Variants in LYST observed in about 807,000 individuals in gnomAD.
LYST encodes the protein lysosomal trafficking regulator, also known as lysosomal-trafficking regulator.
A neutral mutation model predicts 413.6 loss-of-function variants in LYST; 192 were observed. The observed-to-expected ratio is 0.46, with a 90% confidence interval of 0.41 to 0.52. LYST has a LOEUF of 0.52. LYST is among the 20% of genes least tolerant of loss of function. LYST has a pLI of 0.00. For synonymous variants in LYST, 1,525 were observed against 1,567.3 expected (o/e 0.97, Z 0.64); for missense variants, 3,815 against 4,499.9 (o/e 0.85, Z 4.35).
intron 8 of LYST, 150 bp downstream of exon 8, chr1:235,802,758 A>C: frequency 1.4e-6 from 1 of 712,274 alleles, no homozygotes; most frequent in Admixed American, 2.2e-5. Context: ...TGAATGCCAG[A>C]CTGTTGGGAA....
intron 43 of LYST, 98 bp from the exon 44 acceptor site, chr1:235,709,406 G>A: frequency 1.1e-6 from 1 of 946,502 alleles, no homozygotes; most frequent in Non-Finnish European, 1.7e-6. Context: ...AGCTGTTTGT[G>A]TGCTACAACC....
At chr1:235,735,421 G>A (rs374237283) in intron 31 of LYST, 1 of 151,986 alleles carries the variant, frequency 6.6e-6, no homozygotes, top group African/African-American at 2.4e-5. Flanking sequence ...TTTATTAACA[G>A]GCCCTAAAAC....
Position 235,697,214 on chromosome 1 carries a change from G to C in LYST, c.10433C>G (p.Ala3478Gly). 6.2e-7 allele frequency: 1 copy of C among 1,614,098 alleles called. No individual in the cohort carries two copies. The highest frequency in any genetic ancestry group is 8.5e-7 in the Non-Finnish European group (1 of 1,179,976). The change falls in exon 46 of 53, where the codon GCT becomes GGT. Residue 3478 changes from alanine to glycine, a missense_variant. This residue lies in a region of LYST where 866 missense variants were observed against 1,156.0 expected (regional missense o/e 0.75). Transcript: ENST00000389793. ...GCTGAAGCAGACCACAGGTACTGGAGCACTGGGGGAACCCACGTATTCCCC... is the reference window on the plus strand; with the variant it reads ...GCTGAAGCAGACCACAGGTACTGGACCACTGGGGGAACCCACGTATTCCCC... ...KWGEYVGSPS[A>G]PVPVVCFSQP...
upstream of LYST, among the ~76,000 whole-genome samples, chr1:235,867,175 T>C (rs1160237559): frequency 1.3e-5 from 2 of 152,198 alleles, no homozygotes; most frequent in African/African-American, 4.8e-5. Flanking sequence ...TCTGGGTTTC[T>C]CAGCGGTCGG....
chr1:235,797,261 C>A (rs964708054), intron 10 of LYST, among the ~76,000 whole-genome samples: 8 of 152,068 alleles, frequency 5.3e-5, no homozygotes, highest in Admixed American at 5.2e-4. Context: ...TATATCCACA[C>A]AATGGAATGT....
chr1:235,713,849 G>A (rs1460724419), intron 42 of LYST, among the ~76,000 whole-genome samples: 1 of 152,066 alleles, frequency 6.6e-6, no homozygotes, highest in Non-Finnish European at 1.5e-5. Flanking sequence ...GTAGTCCTAG[G>A]TTTTAAACAA....
chr1:235,746,314 C>A (rs762590401), intron 29 of LYST, 22 bp downstream of exon 29: 2 of 1,606,362 alleles, frequency 1.2e-6, no homozygotes, highest in Admixed American at 1.7e-5. Context: ...TGAGGAAAAA[C>A]AAACTAATCC....
At chr1:235,757,551 C>T (rs1667159434) in intron 23 of LYST, 93 bp from the exon 24 acceptor site, 1 of 879,206 alleles carries the variant, frequency 1.1e-6, no homozygotes, top group African/African-American at 1.6e-5. Flanking sequence ...CATTTTTTAA[C>T]AGGTGAAACA....
At chr1:235,754,225 TTTTC>T (rs200372187) in intron 25 of LYST, among the ~76,000 whole-genome samples, 13,551 of 128,316 alleles carry the variant, frequency 0.11, 846 homozygotes, top group Non-Finnish European at 0.17. Flanking sequence ...TTTTCTTTTC[TTTTC>T]TTTTTTTTTT....
chr1:235,703,296 T>C lies in LYST; in HGVS notation c.10144-319A>G, dbSNP rs192056672. On this transcript the variant is annotated intron_variant, in intron 44 of 52. Coordinates refer to ENST00000389793, the MANE Select transcript of LYST (RefSeq NM_000081.4). ...GAAGTTGCTTATCCAAAGCAATATA[T>C]AGGAAAAGGCAAAAATGAAGTTAAA... Among the ~76,000 whole-genome samples the C allele has an allele frequency of 5.5e-4, 84 of 152,266 alleles. No individual in the cohort carries two copies. The East Asian group carries it at 7.1e-3, about 13-fold the overall frequency.
In LYST at chr1:235,738,630, C is replaced by T. The variant is rs1329498307; in HGVS notation, c.8358+2792G>A. 7 of 1,607,804 alleles carry T rather than the reference C, an allele frequency of 4.4e-6. No individual in the cohort carries two copies. In the South Asian group the frequency reaches 6.6e-5, roughly 15 times the overall value. On this transcript the variant is annotated intron_variant, in intron 31 of 52. Transcript: ENST00000389793. ...TAAAGCAAATGTTACTGGTGTCTCC[C>T]TCAAGACTCTGCACCCAGATTTAGG...
intron 21 of LYST, 44 bp downstream of exon 21, chr1:235,766,035 A>G: frequency 7.2e-7 from 1 of 1,394,118 alleles, no homozygotes; most frequent in Non-Finnish European, 1.0e-6. Flanking sequence ...AGAATAAAAC[A>G]AAAGTGGAAA....
intron 12 of LYST, among the ~76,000 whole-genome samples, chr1:235,791,357 T>A (rs1670969416): frequency 6.6e-6 from 1 of 152,050 alleles, no homozygotes; most frequent in Non-Finnish European, 1.5e-5. Flanking sequence ...GAAAGGCAGC[T>A]ATAAGGTTTT....
chr1:235,666,225 T>TACACAC (rs66890524), intron 50 of LYST, among the ~76,000 whole-genome samples: 105 of 135,994 alleles, frequency 7.7e-4, no homozygotes, highest in East Asian at 4.6e-3. Flanking sequence ...AGTATGTACA[T>TACACAC]ACACACACAC....
chr1:235,752,957 C>A, intron 26 of LYST, 87 bp downstream of exon 26: 1 of 729,052 alleles, frequency 1.4e-6, no homozygotes, highest in Non-Finnish European at 2.4e-6. Flanking sequence ...CATAGGTAAA[C>A]TCATGTAGTA....
chr1:235,677,286 A>G (rs1396032809), intron 49 of LYST, 98 bp from the exon 50 acceptor site: 1 of 1,095,986 alleles, frequency 9.1e-7, no homozygotes, highest in East Asian at 2.5e-5. Context: ...CCTATTGTAC[A>G]TAAGGCATAC....
chr1:235,793,569 A>T lies in LYST; in HGVS notation c.4050T>A (p.Ser1350Arg). ...VLVDLLVSLM[S>R]SRTCSEELTL... ...TTAGCTCTTCTGAACATGTTCTTGA[A>T]CTCATCAAAGATACCAAAAGATCCA... The change falls in exon 11 of 53, where the codon AGT becomes AGA. Residue 1350 changes from serine (S) to arginine (R), a missense_variant. Ser to Arg is a moderately radical substitution (Grantham distance 110). Transcript: ENST00000389793. The T allele has an allele frequency of 6.2e-7, 1 of 1,604,446 alleles. No homozygotes were observed. Among genetic ancestry groups the T allele is most frequent in the South Asian group, 1.1e-5 (1 of 90,118 alleles).
intron 34 of LYST, 94 bp downstream of exon 34, chr1:235,733,409 T>C: frequency 9.3e-7 from 1 of 1,079,398 alleles, no homozygotes; most frequent in Non-Finnish European, 1.4e-6. Context: ...ATGAAATGAT[T>C]TTATGAGTCT....
At chr1:235,781,779 A>G in intron 15 of LYST, 148 bp downstream of exon 15, 2 of 643,962 alleles carry the variant, frequency 3.1e-6, no homozygotes, top group South Asian at 3.5e-5. Flanking sequence ...AACACAAGTA[A>G]AGGAACATAG....
Sources: gnomAD v4.1 joint callset for allele counts (sites outside exome capture counted in the v4.1 genomes callset) on GRCh38, gnomAD v4.1.1 for gene constraint, gnomAD v4.1.1 regional missense constraint, MANE v1.5 for transcripts, NCBI Gene and HGNC (gene_info 2026-07-23, HGNC 2026-07-21) for gene names.